Variants in ZBTB11 observed in about 807,000 individuals in gnomAD.
ZBTB11 encodes the protein zinc finger and BTB domain-containing protein 11.
Under a neutral mutation model 113.1 loss-of-function variants are expected in ZBTB11, and 68 were observed. The ratio of observed to expected loss-of-function variants is 0.60; its 90% CI spans 0.49 to 0.74. ZBTB11 has a LOEUF of 0.74. Ranked by LOEUF, ZBTB11 falls within the 30% of genes least tolerant of loss-of-function variation. ZBTB11 has a pLI of 0.00. For missense variants in ZBTB11, 1,104 were observed against 1,279.4 expected (o/e 0.86, Z 2.09); for synonymous variants, 518 against 452.6 (o/e 1.14, Z -1.83).
At chr3:101,674,014 T>C (rs1937121912) in intron 1 of ZBTB11, among the ~76,000 whole-genome samples, 1 of 151,046 alleles carries the variant, frequency 6.6e-6, no homozygotes, top group Admixed American at 6.7e-5. Context: ...ATTTGTCAAA[T>C]TTATGGATTC....
intron 3 of ZBTB11, chr3:101,670,862 C>T (rs1180323733): frequency 8.1e-6 from 3 of 371,790 alleles, no homozygotes; most frequent in Non-Finnish European, 1.5e-5. Context: ...ATGGATTTCA[C>T]TCAAACTGTT....
chr3:101,657,222 G>C (rs752462140), intron 6 of ZBTB11, among the ~76,000 whole-genome samples: 61 of 151,296 alleles, frequency 4.0e-4, no homozygotes, highest in Non-Finnish European at 8.3e-4. Flanking sequence ...AATAACTGGC[G>C]GAGCTGGGCA....
intron 3 of ZBTB11, chr3:101,670,917 C>T: frequency 2.0e-6 from 1 of 487,842 alleles, no homozygotes; most frequent in East Asian, 3.0e-5. Context: ...CTATAATTGT[C>T]TCACTTAAGA....
At position 101,665,325 on chromosome 3, in the gene ZBTB11, G is replaced by C. The variant is rs1451723975; in HGVS notation, c.1262C>G (p.Thr421Arg). The stretch of plus-strand genomic sequence containing the variant: ...TCTGTTGTTTGAAGTTTCTAGTTCT[G>C]TCTGGTTGTTTTTTGTTATTAAATC... ...SVDLITKNNQ[T>R]ELETSNNREN... The change falls in exon 4 of 11, where the codon ACA becomes AGA. Residue 421 changes from threonine (T) to arginine (R), a missense_variant. Physicochemically the swap from Thr to Arg is moderately conservative, Grantham distance 71. Coordinates refer to ENST00000312938, the MANE Select transcript of ZBTB11 (RefSeq NM_014415.4). The C allele has an allele frequency of 6.2e-7, 1 of 1,614,174 alleles. No homozygotes were observed. The highest frequency in any genetic ancestry group is 8.5e-7 in the Non-Finnish European group (1 of 1,180,042).
intron 3 of ZBTB11, among the ~76,000 whole-genome samples, chr3:101,667,140 AC>A (rs1411841072): frequency 1.3e-5 from 2 of 151,992 alleles, no homozygotes; most frequent in African/African-American, 4.8e-5. Context: ...TGTAACCTTG[AC>A]CTCCCAGGCT....
At chr3:101,670,561 G>C (rs1168857595) in intron 3 of ZBTB11, 1 of 152,106 alleles carries the variant, frequency 6.6e-6, no homozygotes, top group Non-Finnish European at 1.5e-5. Context: ...AAAACCAAAA[G>C]ACTTATAAAA....
chr3:101,674,753 G>A (rs1004257447), intron 1 of ZBTB11, among the ~76,000 whole-genome samples: 1 of 148,948 alleles, frequency 6.7e-6, no homozygotes, highest in Non-Finnish European at 1.5e-5. Context: ...TCAGGTTTTT[G>A]CCTTTTAAGA....
At chr3:101,653,323 T>G (rs996774390) in intron 8 of ZBTB11, among the ~76,000 whole-genome samples, 21 of 152,154 alleles carry the variant, frequency 1.4e-4, no homozygotes, top group Non-Finnish European at 7.4e-5. Flanking sequence ...CAACAAAGCA[T>G]TCCCTTGGCC....
intron 8 of ZBTB11, among the ~76,000 whole-genome samples, chr3:101,654,499 G>A (rs1936760427): frequency 6.6e-6 from 1 of 152,108 alleles, no homozygotes; most frequent in South Asian, 2.1e-4. Context: ...TTGAAAATCT[G>A]AAATCACTTT....
Position 101,665,091 on chromosome 3 carries a change from T to C in ZBTB11, c.1496A>G (p.Asp499Gly), listed in dbSNP as rs923283047. Residue 499 changes from aspartate (D) to glycine (G), a missense_variant, in exon 4 of 11, where the codon GAT (aspartate) becomes GGT (glycine). By Grantham distance (94) the Asp-to-Gly change is moderately conservative (BLOSUM62 -1). Coordinates refer to ENST00000312938, the MANE Select transcript of ZBTB11 (RefSeq NM_014415.4). ...ASTAKTDFGP[D>G]DDTYRSRLRQ... ...AAGCCTGCTTCTATAAGTATCATCA[T>C]CAGGGCCAAAGTCTGTCTTTGCTGT... 10 of 1,614,074 alleles carry C rather than the reference T, an allele frequency of 6.2e-6. No homozygotes were observed. The African/African-American group carries it at 1.1e-4, about 17-fold the overall frequency.
Position 101,650,079 on chromosome 3 carries a change from T to C in ZBTB11, c.*1087A>G, listed in dbSNP as rs1226867737. ...CATAACCTTTAAAAATAATTTATCTTCAACAATTTAGTGGAACTGTAATCA... is the reference window on the plus strand; with the variant it reads ...CATAACCTTTAAAAATAATTTATCTCCAACAATTTAGTGGAACTGTAATCA... On this transcript the variant is annotated 3_prime_UTR_variant, in exon 11 of 11. Transcript: ENST00000312938. 6.6e-6 allele frequency: 1 copy of C among 152,346 alleles called. No individual in the cohort carries two copies. The highest frequency in any genetic ancestry group is 2.4e-5 in the African/African-American group (1 of 41,446). 9.4% of individuals were successfully genotyped at this position (152,346 alleles called of 1,614,324 possible). A position where few individuals can be genotyped will look rare whatever the true frequency, so the allele number is the denominator to read the frequency against.
chr3:101,671,776 G>A, intron 2 of ZBTB11: 1 of 604,708 alleles, frequency 1.7e-6, no homozygotes, highest in Non-Finnish European at 2.9e-6. Context: ...AAACCAACAG[G>A]TAATTATTAA....
chr3:101,657,315 G>C (rs1034915102), intron 6 of ZBTB11, among the ~76,000 whole-genome samples: 2 of 151,802 alleles, frequency 1.3e-5, no homozygotes, highest in African/African-American at 2.4e-5. Flanking sequence ...AGACTGGCCT[G>C]GGCAACATGG....
rs1937094120 is a variant in ZBTB11, at chr3:101,672,047, A to C, written c.477T>G (p.Phe159Leu). 1 of 1,614,148 alleles carries C rather than the reference A, an allele frequency of 6.2e-7. No homozygotes were observed. Among genetic ancestry groups the C allele is most frequent in the Non-Finnish European group, 8.5e-7 (1 of 1,179,998 alleles). The change falls in exon 2 of 11, where the codon TTT (phenylalanine) becomes TTG (leucine). Residue 159 changes from phenylalanine (F) to leucine (L), a missense_variant. Phe to Leu is a conservative substitution (Grantham distance 22, BLOSUM62 0). Coordinates refer to ENST00000312938, the MANE Select transcript of ZBTB11 (RefSeq NM_014415.4). ...SNESEDDLSN[F>L]TSSPTTASKP... is the part of the protein sequence containing the mutation. ...TGGATGCTGTAGTTGGAGATGAAGT[A>C]AAGTTGCTCAGGTCATCTTCCGATT...
In ZBTB11 at chr3:101,659,056, T is replaced by G. The variant is rs187962924; in HGVS notation, c.2046+727A>C. Among the ~76,000 whole-genome samples, 58 of 152,094 alleles carry G rather than the reference T, an allele frequency of 3.8e-4. 3 individuals are homozygous for G. In the East Asian group the frequency reaches 0.01, roughly 27 times the overall value. ...GAGTTTGAGGCCAGCCTGGGCAACA[T>G]AGTTAGGCCCCATCTCCACAAAATT... is the stretch of plus-strand genomic sequence containing the variant. On this transcript the variant is annotated intron_variant, in intron 6 of 10. Transcript: ENST00000312938.
intron 5 of ZBTB11, among the ~76,000 whole-genome samples, chr3:101,663,689 G>A (rs891476471): frequency 2.2e-4 from 33 of 152,056 alleles, no homozygotes; most frequent in African/African-American, 7.7e-4. Flanking sequence ...TCAGGAGTTT[G>A]AGACCAGCCT....
exon 1 of ZBTB11, chr3:101,677,128 CGACTGACAAA>C (rs1937193706): frequency 3.7e-6 from 2 of 546,050 alleles, no homozygotes; most frequent in Non-Finnish European, 6.2e-6. Flanking sequence ...GATCCGCTGG[CGACTGACAAA>C]ATGGCTGCTG....
In ZBTB11 at chr3:101,671,204, T is replaced by G. The variant is rs374949213; in HGVS notation, c.704A>C (p.Asn235Thr). 5 of 1,614,068 alleles carry G rather than the reference T, an allele frequency of 3.1e-6. No homozygotes were observed. In the African/African-American group the frequency reaches 6.7e-5, roughly 22 times the overall value. Residue 235 changes from asparagine to threonine, a missense_variant, in exon 3 of 11, where the codon AAT (asparagine) becomes ACT (threonine). Transcript: ENST00000312938. ...AAAAAGATCTCGAAAATACTCGCTA[T>G]TTGCTGACAAAACAGATTTATGAGC... is the stretch of plus-strand genomic sequence containing the variant. ...YKAHKSVLSA[N>T]SEYFRDLFIE...
In ZBTB11 at chr3:101,649,942, TC is replaced by T. The variant is rs1237499573; in HGVS notation, c.*1223del. 1 of 152,676 alleles carries T rather than the reference TC, an allele frequency of 6.5e-6. No homozygotes were observed. Among genetic ancestry groups the T allele is most frequent in the African/African-American group, 2.4e-5 (1 of 41,470 alleles). 9.5% of individuals were successfully genotyped at this position (152,676 alleles called of 1,614,324 possible). A position where few individuals can be genotyped will look rare whatever the true frequency, so the allele number is the denominator to read the frequency against. On this transcript the variant is annotated 3_prime_UTR_variant, in exon 11 of 11. Transcript: ENST00000312938. ...AACAATTATTCTTTGAGTGGTAGTTTCCCAGAGAGAAATGTGGCATCTCTCA... is the reference window on the plus strand; with the variant it reads ...AACAATTATTCTTTGAGTGGTAGTTTCCAGAGAGAAATGTGGCATCTCTCA...
Sources: allele counts gnomAD v4.1 joint callset (sites outside exome capture counted in the v4.1 genomes callset), GRCh38; gene constraint gnomAD v4.1.1; transcripts MANE v1.5; gene names NCBI Gene and HGNC (gene_info 2026-07-23, HGNC 2026-07-21).